CDH1: variants seen among roughly 807,000 people sequenced by gnomAD.
CDH1 encodes the protein cadherin-1.
Under a neutral mutation model 84.5 loss-of-function variants are expected in CDH1, and 35 were observed. That is an observed-to-expected ratio of 0.41 (90% CI 0.32 to 0.55). The LOEUF (loss-of-function observed/expected upper bound fraction) is 0.55. CDH1 is among the 20% of genes least tolerant of loss of function. The pLI, the probability that CDH1 is intolerant of heterozygous loss-of-function variation, is 0.19. For synonymous variants in CDH1, 417 were observed against 439.0 expected (o/e 0.95, Z 0.63); for missense variants, 994 against 1,126.6 (o/e 0.88, Z 1.68).
chr16:68,769,700 G>A (rs1959495410), intron 2 of CDH1, among the ~76,000 whole-genome samples: 1 of 151,832 alleles, frequency 6.6e-6, no homozygotes, highest in Non-Finnish European at 1.5e-5. Context: ...GGCCAAGGTG[G>A]GAGTATCGCC....
At chr16:68,794,587 A>G (rs1389358714) in intron 2 of CDH1, among the ~76,000 whole-genome samples, 1 of 151,898 alleles carries the variant, frequency 6.6e-6, no homozygotes. Flanking sequence ...TGGTACAATC[A>G]TAGCACACTG....
chr16:68,776,196 A>C (rs1192688280), intron 2 of CDH1, among the ~76,000 whole-genome samples: 2 of 152,210 alleles, frequency 1.3e-5, no homozygotes, highest in Non-Finnish European at 2.9e-5. Flanking sequence ...CATCTTGACC[A>C]GGCTGGTCTC....
Position 68,819,135 on chromosome 16 carries a change from C to T in CDH1, c.1566-145C>T, listed in dbSNP as rs1596960024. On this transcript the variant is annotated intron_variant, in intron 10 of 15. Coordinates refer to ENST00000261769, the MANE Select transcript of CDH1 (RefSeq NM_004360.5). ...CCTCCCAAAGTGTTGGGATTACAGGCATGAGCCACCGCGACCGGCCTATTG... is the reference window on the plus strand; with the variant it reads ...CCTCCCAAAGTGTTGGGATTACAGGTATGAGCCACCGCGACCGGCCTATTG... 9 of 845,136 alleles carry T rather than the reference C, an allele frequency of 1.1e-5. No individual in the cohort carries two copies. The Admixed American group carries it at 1.4e-4, about 13-fold the overall frequency. 52.4% of individuals were successfully genotyped at this position (845,136 alleles called of 1,614,324 possible).
At chr16:68,755,643 G>A (rs1205880192) in intron 2 of CDH1, among the ~76,000 whole-genome samples, 1 of 151,884 alleles carries the variant, frequency 6.6e-6, no homozygotes, top group Non-Finnish European at 1.5e-5. Context: ...TGCCACTTTA[G>A]GAACATCTCC....
chr16:68,810,169 T>A (rs777412759), intron 5 of CDH1, 28 bp from the exon 6 acceptor site: 2 of 1,613,842 alleles, frequency 1.2e-6, no homozygotes, highest in Non-Finnish European at 1.7e-6. Flanking sequence ...TCATCAGAGC[T>A]CAAGTCACCC....
chr16:68,756,025 A>G (rs2152118288), intron 2 of CDH1, among the ~76,000 whole-genome samples: 1 of 152,078 alleles, frequency 6.6e-6, no homozygotes, highest in African/African-American at 2.4e-5. Flanking sequence ...CGGCCTCCCA[A>G]AGTGCTGGGA....
rs185279622 is a variant in CDH1, at chr16:68,793,415, C to T, written c.164-8255C>T. 3.1e-3 allele frequency among the ~76,000 whole-genome samples: 473 copies of T among 152,220 alleles called. 2 individuals are homozygous for T. Among genetic ancestry groups the T allele is most frequent in the Admixed American group, 5.8e-3 (89 of 15,272 alleles). On this transcript the variant is annotated intron_variant, in intron 2 of 15. Transcript: ENST00000261769. The stretch of plus-strand genomic sequence containing the variant: ...TCATTCAAGTTACTCTCCAACTGTC[C>T]TATTCTTTTGTGAGAACTAACTTCT...
In CDH1 at chr16:68,760,469, T is replaced by C. The variant is rs561760166; in HGVS notation, c.163+22058T>C. ...AAAGATGGGAATGTGAATTGTCTTGTAAAGTATAACCGTCTCCTGCCCCTC... is the reference window on the plus strand; with the variant it reads ...AAAGATGGGAATGTGAATTGTCTTGCAAAGTATAACCGTCTCCTGCCCCTC... On this transcript the variant is annotated intron_variant, in intron 2 of 15. Coordinates refer to ENST00000261769, the MANE Select transcript of CDH1 (RefSeq NM_004360.5). Among the ~76,000 whole-genome samples the C allele has an allele frequency of 2.0e-5, 3 of 152,156 alleles. No homozygotes were observed. In the East Asian group the frequency reaches 5.8e-4, roughly 29 times the overall value.
Position 68,823,408 on chromosome 16 carries a change from C to T in CDH1, c.1946C>T (p.Ser649Phe), listed in dbSNP as rs1238607560. The T allele has an allele frequency of 3.1e-6, 5 of 1,610,196 alleles. No homozygotes were observed. In the African/African-American group the frequency reaches 6.7e-5, roughly 22 times the overall value. The change falls in exon 13 of 16, where the codon TCT (serine) becomes TTT (phenylalanine). Residue 649 changes from serine to phenylalanine, a missense_variant. By Grantham distance (155) the Ser-to-Phe change is radical (BLOSUM62 -2). This residue lies in a region of CDH1 where 769 missense variants were observed against 881.8 expected (regional missense o/e 0.87). Transcript: ENST00000261769. The stretch of plus-strand genomic sequence containing the variant: ...TTATTGCTTTCTCCAGCCCAAGAAT[C>T]TATCATTTTGAAGCCAAAGATGGCC... ...TIQYNDPTQE[S>F]IILKPKMALE...
In CDH1 at chr16:68,823,628, T is replaced by C. The variant is rs876661120; in HGVS notation, c.2164+2T>C. Reference sequence around the variant, plus strand: ...TTGGAGGAATTCTTGCTTTGCTAAGTAAGTCCAGCTGGCAAGTGACTCAGC... The same window carrying C: ...TTGGAGGAATTCTTGCTTTGCTAAGCAAGTCCAGCTGGCAAGTGACTCAGC... On this transcript the variant is annotated splice_donor_variant, in intron 13 of 15. Transcript: ENST00000261769. LOFTEE classifies it high-confidence loss of function. 6.3e-7 allele frequency: 1 copy of C among 1,595,306 alleles called. No homozygotes were observed. Among genetic ancestry groups the C allele is most frequent in the Non-Finnish European group, 8.6e-7 (1 of 1,166,648 alleles).
intron 3 of CDH1, 127 bp from the exon 4 acceptor site, chr16:68,808,297 G>A (rs1275700991): frequency 8.6e-6 from 8 of 924,976 alleles, no homozygotes; most frequent in Non-Finnish European, 1.4e-5. Context: ...AAGAGAATGT[G>A]TCATTAAATT....
chr16:68,767,566 A>T (rs1163557327), intron 2 of CDH1, among the ~76,000 whole-genome samples: 1 of 152,240 alleles, frequency 6.6e-6, no homozygotes, highest in Admixed American at 6.5e-5. Flanking sequence ...TTCTCATAGT[A>T]ACAAGACTTC....
chr16:68,777,557 T>TTTTTTTTAG (rs1959765730), intron 2 of CDH1, among the ~76,000 whole-genome samples: 1 of 145,288 alleles, frequency 6.9e-6, no homozygotes, highest in Admixed American at 6.9e-5. Flanking sequence ...TTTTTTTTTT[T>TTTTTTTTAG]GAGAAGGGGG....
At chr16:68,761,625 G>A (rs1959227081) in intron 2 of CDH1, among the ~76,000 whole-genome samples, 1 of 152,180 alleles carries the variant, frequency 6.6e-6, no homozygotes, top group African/African-American at 2.4e-5. Flanking sequence ...CAGGTGTGTA[G>A]GAAAGATGAA....
At chr16:68,790,485 GTGT>G (rs906193427) in intron 2 of CDH1, among the ~76,000 whole-genome samples, 2 of 152,158 alleles carry the variant, frequency 1.3e-5, no homozygotes, top group African/African-American at 4.8e-5. Context: ...CAGACAGGCT[GTGT>G]TGTTACGCAT....
rs144371150 is a variant in CDH1, at chr16:68,753,572, C to T, written c.163+15161C>T. Reference sequence around the variant, plus strand: ...CAGGATGGTCTCAATATCCTGACCTCGTGATCTGCCCTCCTCGGCCTCCCA... The same window carrying T: ...CAGGATGGTCTCAATATCCTGACCTTGTGATCTGCCCTCCTCGGCCTCCCA... On this transcript the variant is annotated intron_variant, in intron 2 of 15. Coordinates refer to ENST00000261769, the MANE Select transcript of CDH1 (RefSeq NM_004360.5). Among the ~76,000 whole-genome samples the T allele has an allele frequency of 9.5e-3, 1,445 of 151,986 alleles. 28 individuals carry two copies. Among genetic ancestry groups the T allele is most frequent in the African/African-American group, 0.033 (1,360 of 41,490 alleles).
chr16:68,810,609 A>T (rs1164467954), intron 6 of CDH1, among the ~76,000 whole-genome samples: 2 of 151,468 alleles, frequency 1.3e-5, no homozygotes, highest in Non-Finnish European at 2.9e-5. Flanking sequence ...CATGCCTGTA[A>T]TCCCAGCACT....
At chr16:68,748,111 CTTT>C (rs35209843) in intron 2 of CDH1, among the ~76,000 whole-genome samples, 7 of 113,136 alleles carry the variant, frequency 6.2e-5, no homozygotes, top group Admixed American at 9.4e-5. Context: ...AAATTATTTA[CTTT>C]TTTTTTTTTT....
chr16:68,821,432 T>C (rs74934560), intron 11 of CDH1, among the ~76,000 whole-genome samples: 8,751 of 148,600 alleles, frequency 0.059, 315 homozygotes, highest in African/African-American at 0.092. Context: ...TTCATGCCAC[T>C]GCATTCCCGC....
Sources: allele counts gnomAD v4.1 joint callset (sites outside exome capture counted in the v4.1 genomes callset), GRCh38; gene constraint gnomAD v4.1.1; regional missense constraint gnomAD v4.1.1; transcripts MANE v1.5; gene names NCBI Gene and HGNC (gene_info 2026-07-23, HGNC 2026-07-21).